BRWD3: variants seen among roughly 807,000 people sequenced by gnomAD.
BRWD3 encodes bromodomain and WD repeat domain containing 3.
A neutral mutation model predicts 149.7 loss-of-function variants in BRWD3; 10 were observed. That is an observed-to-expected ratio of 0.07 (90% CI 0.04 to 0.11). BRWD3 has a LOEUF of 0.11. BRWD3 is among the 10% of genes least tolerant of loss of function. BRWD3 has a pLI of 1.00. For synonymous variants in BRWD3, 504 were observed against 456.7 expected (o/e 1.10, Z -1.32); for missense variants, 940 against 1,373.2 (o/e 0.68, Z 4.99).
At chrX:80,791,992 T>G (rs749668593) in intron 5 of BRWD3, 40 bp from the exon 6 acceptor site, 35 of 783,217 alleles carry the variant, frequency 4.5e-5, no homozygotes, top group South Asian at 1.4e-4. Flanking sequence ...AATAGAGCAG[T>G]TTTTTTTTTA....
intron 6 of BRWD3, among the ~76,000 whole-genome samples, chrX:80,783,274 C>G (rs1477137677): frequency 9.2e-6 from 1 of 108,942 alleles, no homozygotes; most frequent in African/African-American, 3.4e-5. Context: ...GTAGTCCCAG[C>G]TACTAGGAGG....
At position 80,728,119 on chromosome X, in the gene BRWD3, A is replaced by G. The variant is rs1381218354; in HGVS notation, c.1386+633T>C. 2.7e-5 allele frequency among the ~76,000 whole-genome samples: 3 copies of G among 111,956 alleles called. No individual in the cohort carries two copies. In the Admixed American group the frequency reaches 2.8e-4, roughly 11 times the overall value. The stretch of plus-strand genomic sequence containing the variant: ...ACTTACTATCGTGTAATCACATGGC[A>G]ACCATTTGGCATTCTCTCCTTAAAA... On this transcript the variant is annotated intron_variant, in intron 14 of 40. Coordinates refer to ENST00000373275, the MANE Select transcript of BRWD3 (RefSeq NM_153252.5).
intron 24 of BRWD3, among the ~76,000 whole-genome samples, chrX:80,700,780 TAAAA>T (rs1413285685): frequency 9.1e-6 from 1 of 109,509 alleles, no homozygotes; most frequent in Non-Finnish European, 1.9e-5. Flanking sequence ...ATAATACAGA[TAAAA>T]AACCAATATC....
chrX:80,698,477 G>A (rs1819600484), intron 25 of BRWD3, among the ~76,000 whole-genome samples: 1 of 111,261 alleles, frequency 9.0e-6, no homozygotes, highest in African/African-American at 3.3e-5. Flanking sequence ...TGGAGGCCAA[G>A]TCGGGTGGAT....
At chrX:80,713,695 T>A (rs778977592) in intron 20 of BRWD3, among the ~76,000 whole-genome samples, 1,747 of 110,679 alleles carry the variant, frequency 0.016, 21 homozygotes, top group Middle Eastern at 0.051. Context: ...AATAAAAAAA[T>A]AAAAAATAAA....
chrX:80,725,205 C>T (rs2073199846), intron 14 of BRWD3, 138 bp from the exon 15 acceptor site: 1 of 641,698 alleles, frequency 1.6e-6, no homozygotes, highest in African/African-American at 2.2e-5. Context: ...GACATGGATA[C>T]TACATGAACA....
At chrX:80,771,766 T>C (rs2073946256) in intron 6 of BRWD3, among the ~76,000 whole-genome samples, 1 of 111,256 alleles carries the variant, frequency 9.0e-6, no homozygotes, top group African/African-American at 3.3e-5. Context: ...CAAACAAATT[T>C]ACAAGAGAAA....
At chrX:80,780,967 CAT>C (rs1210346368) in intron 6 of BRWD3, among the ~76,000 whole-genome samples, 17 of 111,684 alleles carry the variant, frequency 1.5e-4, no homozygotes, top group African/African-American at 5.5e-4. Context: ...TGAAGAGTGA[CAT>C]ATAACGACAC....
At chrX:80,733,387 C>T in intron 12 of BRWD3, 69 bp downstream of exon 12, 1 of 847,148 alleles carries the variant, frequency 1.2e-6, no homozygotes, top group East Asian at 3.2e-5. Context: ...ATAGAAGTAG[C>T]TGCATCTGAG....
intron 36 of BRWD3, 118 bp downstream of exon 36, chrX:80,685,344 G>T: frequency 3.2e-6 from 2 of 627,983 alleles, no homozygotes; most frequent in Non-Finnish European, 5.0e-6. Flanking sequence ...TCAAACAAAG[G>T]TAAAAAGGGG....
intron 6 of BRWD3, among the ~76,000 whole-genome samples, chrX:80,751,190 T>C (rs749346729): frequency 9.0e-6 from 1 of 111,523 alleles, no homozygotes; most frequent in Non-Finnish European, 1.9e-5. Flanking sequence ...CTGTACTACA[T>C]GGTGACCACA....
chrX:80,690,947 G>A lies in BRWD3; in HGVS notation c.3602+106C>T, dbSNP rs1379059967. 4 of 940,769 alleles carry A rather than the reference G, an allele frequency of 4.3e-6. No homozygotes were observed. The African/African-American group carries it at 8.1e-5, about 19-fold the overall frequency. The allele number at this position is 940,769 out of a possible 1,213,427, so 77.5% of individuals were successfully genotyped here. A position where few individuals can be genotyped will look rare whatever the true frequency, so the allele number is the denominator to read the frequency against. The stretch of plus-strand genomic sequence containing the variant: ...AATTTTTAAAGGAAATTTTGGTGTG[G>A]GTCTTTTGGATGATCATGTTATACT... On this transcript the variant is annotated intron_variant, in intron 31 of 40. Coordinates refer to ENST00000373275, the MANE Select transcript of BRWD3 (RefSeq NM_153252.5).
intron 8 of BRWD3, among the ~76,000 whole-genome samples, chrX:80,740,963 G>A (rs2073482080): frequency 9.0e-6 from 1 of 110,913 alleles, no homozygotes; most frequent in Non-Finnish European, 1.9e-5. Context: ...ACAACATGCA[G>A]GTTTGTTACA....
chrX:80,714,043 G>A (rs774068057), intron 20 of BRWD3, among the ~76,000 whole-genome samples: 1 of 111,337 alleles, frequency 9.0e-6, no homozygotes, highest in Non-Finnish European at 1.9e-5. Context: ...CTGCAAAGTT[G>A]TCTCTTGTGG....
intron 30 of BRWD3, among the ~76,000 whole-genome samples, 190 bp downstream of exon 30, chrX:80,691,632 CA>C (rs1051236865): frequency 4.5e-5 from 5 of 111,777 alleles, no homozygotes; most frequent in African/African-American, 1.3e-4. Context: ...GATTGCTAAA[CA>C]AAAAATTATC....
chrX:80,689,616 C>G (rs1215792141), intron 33 of BRWD3, 152 bp downstream of exon 33: 5 of 473,062 alleles, frequency 1.1e-5, no homozygotes, highest in Non-Finnish European at 1.8e-5. Flanking sequence ...TTGGTATATG[C>G]CATCTAAGTA....
At chrX:80,707,998 G>C (rs1464270436) in intron 21 of BRWD3, among the ~76,000 whole-genome samples, 3 of 111,778 alleles carry the variant, frequency 2.7e-5, no homozygotes. Context: ...GCATTAGTTT[G>C]ATGCACAATA....
chrX:80,803,742 T>C (rs1236578828), intron 4 of BRWD3, among the ~76,000 whole-genome samples: 4 of 112,396 alleles, frequency 3.6e-5, no homozygotes, highest in Non-Finnish European at 7.5e-5. Context: ...CACATGGCAG[T>C]TAATAAATCA....
At chrX:80,776,242 C>A (rs1441117624) in intron 6 of BRWD3, among the ~76,000 whole-genome samples, 1 of 112,022 alleles carries the variant, frequency 8.9e-6, no homozygotes, top group Non-Finnish European at 1.9e-5. Flanking sequence ...TCATCAAGAT[C>A]CAAAGAGTAT....
Sources: allele counts gnomAD v4.1 joint callset (sites outside exome capture counted in the v4.1 genomes callset), GRCh38; gene constraint gnomAD v4.1.1; transcripts MANE v1.5; gene names NCBI Gene and HGNC (gene_info 2026-07-23, HGNC 2026-07-21).